The following NMNAT3 variants were observed in gnomAD, a reference collection of about 807,000 sequenced individuals.
NMNAT3 encodes the protein nicotinamide nucleotide adenylyltransferase 3, also known as nicotinamide/nicotinic acid mononucleotide adenylyltransferase 3.
In NMNAT3, 21 loss-of-function variants were observed where a neutral mutation model predicts 24.8. That is an observed-to-expected ratio of 0.85 (90% confidence interval 0.60 to 1.22). NMNAT3 has a LOEUF of 1.22. Among genes scored for constraint, NMNAT3 ranks in the 50% most tolerant of loss-of-function variants. The pLI is 0.00. For synonymous variants in NMNAT3, 136 were observed against 155.2 expected, an observed-to-expected ratio of 0.88 and a Z score of 0.92; for missense variants, 387 against 436.6, an observed-to-expected ratio of 0.89 and a Z score of 1.01.
intron 4 of NMNAT3, among the ~76,000 whole-genome samples, chr3:139,581,639 A>C (rs1172444268): frequency 6.6e-6 from 1 of 152,228 alleles, no homozygotes; most frequent in Non-Finnish European, 1.5e-5. Flanking sequence ...ATAATATTCC[A>C]GAAAATGTAC....
At chr3:139,586,894 A>C (rs1433514451) in intron 3 of NMNAT3, among the ~76,000 whole-genome samples, 2 of 152,214 alleles carry the variant, frequency 1.3e-5, no homozygotes, top group African/African-American at 2.4e-5. Context: ...GAAAAGCCTG[A>C]TAGACAATGT....
Position 139,673,998 on chromosome 3 carries a change from C to T in NMNAT3, c.-141+3707G>A, listed in dbSNP as rs79859401. 6.2e-3 allele frequency among the ~76,000 whole-genome samples: 946 copies of T among 152,046 alleles called. 9 individuals are homozygous for T. Among genetic ancestry groups the T allele is most frequent in the African/African-American group, 0.021 (852 of 41,432 alleles). On this transcript the variant is annotated intron_variant, in intron 1 of 6. Transcript: ENST00000643695. ...TCCCTGCAACAGAGTGTGCCTCTGCCGCTGCCCCAGGGATTCTGGATTTAG... is the reference window on the plus strand; with the variant it reads ...TCCCTGCAACAGAGTGTGCCTCTGCTGCTGCCCCAGGGATTCTGGATTTAG...
At chr3:139,613,425 C>T (rs1374273037) in intron 3 of NMNAT3, among the ~76,000 whole-genome samples, 1 of 152,142 alleles carries the variant, frequency 6.6e-6, no homozygotes, top group African/African-American at 2.4e-5. Context: ...CAAATCAAAA[C>T]CACAATGAGA....
intron 2 of NMNAT3, among the ~76,000 whole-genome samples, chr3:139,631,543 A>C (rs1477633575): frequency 6.6e-6 from 1 of 152,160 alleles, no homozygotes; most frequent in Admixed American, 6.5e-5. Context: ...GAGAGTGATA[A>C]TTGCAGCTGA....
At chr3:139,675,135 T>TACACACACACTCACAAACACACACAC (rs2057885769) in intron 1 of NMNAT3, among the ~76,000 whole-genome samples, 1 of 148,228 alleles carries the variant, frequency 6.7e-6, no homozygotes, top group Admixed American at 6.7e-5. Context: ...CTTTTAAACA[T>TACACACACACTCACAAACACACACAC]ACACACACAC....
chr3:139,581,080 A>G (rs1315260603), intron 4 of NMNAT3, among the ~76,000 whole-genome samples: 2 of 152,218 alleles, frequency 1.3e-5, no homozygotes, highest in Non-Finnish European at 2.9e-5. Context: ...TAGCCAACAT[A>G]TTTAGACTGG....
intron 3 of NMNAT3, among the ~76,000 whole-genome samples, chr3:139,592,407 C>G (rs2054238826): frequency 6.6e-6 from 1 of 152,132 alleles, no homozygotes; most frequent in Non-Finnish European, 1.5e-5. Context: ...AGGATATTAT[C>G]CAGGAGAACT....
chr3:139,635,188 A>G (rs2056455888), intron 2 of NMNAT3: 1 of 152,330 alleles, frequency 6.6e-6, no homozygotes, highest in Non-Finnish European at 1.5e-5. Context: ...CTTGTTTGAA[A>G]AAGACCTCCC....
At chr3:139,627,578 A>G (rs568263821) in intron 3 of NMNAT3, 38 bp downstream of exon 4, 4 of 1,262,928 alleles carry the variant, frequency 3.2e-6, no homozygotes, top group Admixed American at 2.2e-5. Flanking sequence ...AGCCTAACCC[A>G]CCAGTTCTTC....
At chr3:139,580,756 A>T (rs1241542442) in intron 4 of NMNAT3, among the ~76,000 whole-genome samples, 1 of 151,930 alleles carries the variant, frequency 6.6e-6, no homozygotes, top group African/African-American at 2.4e-5. Flanking sequence ...ATTTTCCAGG[A>T]TTTTATTCAT....
At chr3:139,677,546 C>T (rs1294114987) in intron 1 of NMNAT3, among the ~76,000 whole-genome samples, 159 bp downstream of exon 1, 1 of 152,234 alleles carries the variant, frequency 6.6e-6, no homozygotes, top group Non-Finnish European at 1.5e-5. Context: ...AGCTGTCCCC[C>T]CGGTTCGCGC....
chr3:139,607,392 CT>C (rs1052542252), intron 3 of NMNAT3, among the ~76,000 whole-genome samples: 15 of 152,234 alleles, frequency 9.9e-5, no homozygotes, highest in African/African-American at 3.6e-4. Context: ...AATCTTAGTA[CT>C]TACATAAAAT....
At chr3:139,576,051 G>A in intron 5 of NMNAT3, 2 of 1,287,854 alleles carry the variant, frequency 1.6e-6, no homozygotes, top group Non-Finnish European at 2.0e-6. Flanking sequence ...ATCTTATAGG[G>A]AAAGAAGGAA....
At chr3:139,576,125 C>A in intron 5 of NMNAT3, 2 of 1,219,082 alleles carry the variant, frequency 1.6e-6, no homozygotes, top group African/African-American at 1.6e-5. Context: ...CACTATGATG[C>A]AGATTCACTA....
At chr3:139,581,835 T>C (rs1231380285) in intron 4 of NMNAT3, among the ~76,000 whole-genome samples, 1 of 152,108 alleles carries the variant, frequency 6.6e-6, no homozygotes, top group Non-Finnish European at 1.5e-5. Flanking sequence ...TGAGACAACT[T>C]TAATACTCTT....
intron 3 of NMNAT3, among the ~76,000 whole-genome samples, chr3:139,603,849 C>A (rs994985841): frequency 1.8e-4 from 27 of 152,184 alleles, no homozygotes; most frequent in African/African-American, 6.0e-4. Context: ...CACCCACTGT[C>A]GCCACTGTCC....
At chr3:139,651,739 C>T (rs1248194545) in intron 1 of NMNAT3, among the ~76,000 whole-genome samples, 2 of 152,150 alleles carry the variant, frequency 1.3e-5, no homozygotes, top group East Asian at 3.9e-4. Flanking sequence ...TCCCAGGCTC[C>T]GGGCAAGGGT....
At chr3:139,645,509 C>T (rs772852715) in intron 1 of NMNAT3, among the ~76,000 whole-genome samples, 1 of 152,122 alleles carries the variant, frequency 6.6e-6, no homozygotes, top group Non-Finnish European at 1.5e-5. Context: ...CTCTGTTATT[C>T]TTAGAACATG....
At chr3:139,652,301 C>T (rs747029091) in intron 1 of NMNAT3, among the ~76,000 whole-genome samples, 14 of 152,210 alleles carry the variant, frequency 9.2e-5, no homozygotes, top group East Asian at 1.9e-4. Context: ...TAAATGGCTC[C>T]GGGTGAACAA....
Sources: allele counts gnomAD v4.1 joint callset (sites outside exome capture counted in the v4.1 genomes callset), GRCh38; gene constraint gnomAD v4.1.1; transcripts MANE v1.5; gene names NCBI Gene and HGNC (gene_info 2026-07-23, HGNC 2026-07-21).